Variants in CPAMD8 observed in about 807,000 individuals in gnomAD.
CPAMD8 encodes the protein C3 and PZP like alpha-2-macroglobulin domain containing 8.
Under a neutral mutation model 224.7 loss-of-function variants are expected in CPAMD8, and 146 were observed. The ratio of observed to expected loss-of-function variants is 0.65; its 90% CI spans 0.57 to 0.75. The LOEUF (loss-of-function observed/expected upper bound fraction) is 0.75. CPAMD8 is among the 30% of genes least tolerant of loss of function. CPAMD8 has a pLI of 0.00. For missense variants in CPAMD8, 2,301 were observed against 2,537.5 expected (o/e 0.91, Z 2.00); for synonymous variants, 966 against 1,044.6 (o/e 0.92, Z 1.45).
chr19:16,917,586 A>G (rs1461280548), intron 27 of CPAMD8, among the ~76,000 whole-genome samples: 1 of 152,140 alleles, frequency 6.6e-6, no homozygotes, highest in Non-Finnish European at 1.5e-5. Flanking sequence ...CTGAAATTCA[A>G]AAAAATTAGC....
intron 11 of CPAMD8, among the ~76,000 whole-genome samples, chr19:16,995,072 C>G (rs976121323): frequency 1.4e-4 from 21 of 152,160 alleles, no homozygotes; most frequent in African/African-American, 5.1e-4. Flanking sequence ...ACATTCTGAC[C>G]CCGCACGAGG....
intron 23 of CPAMD8, 120 bp from the exon 24 acceptor site, chr19:16,929,360 C>T (rs1272554655): frequency 2.7e-6 from 2 of 748,738 alleles, no homozygotes; most frequent in South Asian, 1.7e-5. Flanking sequence ...TGACTCGGCA[C>T]ACATGGTGGA....
Position 16,928,934 on chromosome 19 carries a change from C to T in CPAMD8, c.3144+8G>A. ...TCTGCACAAGCCCCAGGCAGTTCTG[C>T]TGTATACCTGGATAAGGCCACCACG... On this transcript the variant is annotated splice_region_variant and intron_variant, in intron 24 of 41. Coordinates refer to ENST00000443236, the MANE Select transcript of CPAMD8 (RefSeq NM_015692.5). 1 of 1,589,624 alleles carries T rather than the reference C, an allele frequency of 6.3e-7. No homozygotes were observed. The highest frequency in any genetic ancestry group is 8.6e-7 in the Non-Finnish European group (1 of 1,166,454).
intron 19 of CPAMD8, among the ~76,000 whole-genome samples, chr19:16,954,715 T>C (rs2054407455): frequency 6.6e-6 from 1 of 152,196 alleles, no homozygotes; most frequent in Non-Finnish European, 1.5e-5. Context: ...CTGGGTACAG[T>C]GGCTCACGCC....
intron 3 of CPAMD8, among the ~76,000 whole-genome samples, chr19:17,016,102 C>T (rs996671158): frequency 6.6e-6 from 1 of 152,134 alleles, no homozygotes; most frequent in Non-Finnish European, 1.5e-5. Context: ...GGCCACCATG[C>T]CCGGCTAATT....
chr19:16,999,575 A>C (rs2056243788), intron 10 of CPAMD8, among the ~76,000 whole-genome samples: 1 of 134,930 alleles, frequency 7.4e-6, no homozygotes, highest in African/African-American at 2.8e-5. Context: ...ACAGAGCAAG[A>C]CTCCATCTCC....
At chr19:16,997,471 C>A in intron 10 of CPAMD8, 133 bp from the exon 11 acceptor site, 1 of 660,056 alleles carries the variant, frequency 1.5e-6, no homozygotes, top group South Asian at 1.7e-5. Flanking sequence ...GTGGCATACC[C>A]AATCTATGCC....
rs1291369221 is a variant in CPAMD8, at chr19:16,901,216, C to T, written c.4767G>A (p.Leu1589=). ...LSGFRADIES[L]EQLLLDKHMG... ...CTCACCGGCGCTGCCTCACCTGCTC[C>T]AGGCTCTCGATGTCTGCCCGGAAGC... The change falls in exon 36 of 42, where the codon CTG becomes CTA. Residue 1589 remains leucine, a synonymous_variant. Coordinates refer to ENST00000443236, the MANE Select transcript of CPAMD8 (RefSeq NM_015692.5). 1.2e-6 allele frequency: 2 copies of T among 1,609,098 alleles called. No individual in the cohort carries two copies. The highest frequency in any genetic ancestry group is 1.7e-6 in the Non-Finnish European group (2 of 1,178,050).
intron 10 of CPAMD8, 157 bp downstream of exon 10, chr19:17,000,257 A>C (rs2056266970): frequency 1.9e-6 from 1 of 534,402 alleles, no homozygotes; most frequent in Non-Finnish European, 3.3e-6. Flanking sequence ...AGTTCAAGAC[A>C]AGCCTGGGCA....
intron 7 of CPAMD8, among the ~76,000 whole-genome samples, chr19:17,004,789 T>A (rs1488505675): frequency 1.3e-5 from 2 of 151,754 alleles, no homozygotes; most frequent in East Asian, 3.9e-4. Context: ...GGTGGAGGTG[T>A]CCTGTGAGCT....
chr19:16,991,577 G>A (rs556569337), intron 12 of CPAMD8, among the ~76,000 whole-genome samples: 5 of 152,206 alleles, frequency 3.3e-5, no homozygotes, highest in African/African-American at 4.8e-5. Flanking sequence ...ACAGTGGGCC[G>A]GGTACGGTGG....
At position 16,912,860 on chromosome 19, in the gene CPAMD8, C is replaced by G. The variant is rs542809196; in HGVS notation, c.3861+1564G>C. 2.0e-4 allele frequency among the ~76,000 whole-genome samples: 30 copies of G among 152,112 alleles called. No homozygotes were observed. The South Asian group carries it at 6.0e-3, about 31-fold the overall frequency. ...ATTGGAAAGCTTCCAGAGGAGAGAA[C>G]AAACGAGATACAAAGGATAGTACTC... On this transcript the variant is annotated intron_variant, in intron 29 of 41. Coordinates refer to ENST00000443236, the MANE Select transcript of CPAMD8 (RefSeq NM_015692.5).
At chr19:16,963,589 T>G (rs1406427939) in intron 18 of CPAMD8, among the ~76,000 whole-genome samples, 1 of 152,160 alleles carries the variant, frequency 6.6e-6, no homozygotes, top group East Asian at 1.9e-4. Flanking sequence ...CACACAATAC[T>G]AATGGGAGAC....
intron 23 of CPAMD8, among the ~76,000 whole-genome samples, chr19:16,931,573 T>A (rs1199658440): frequency 6.6e-6 from 1 of 152,166 alleles, no homozygotes. Context: ...CTATCCATGT[T>A]CCTGGTCCAC....
At chr19:16,972,455 C>T (rs142856432) in intron 17 of CPAMD8, among the ~76,000 whole-genome samples, 69 of 151,670 alleles carry the variant, frequency 4.5e-4, no homozygotes, top group African/African-American at 1.5e-3. Context: ...TTTTTTTAGA[C>T]GGAGTCTCAC....
intron 39 of CPAMD8, chr19:16,897,426 C>T (rs2052063164): frequency 3.9e-6 from 2 of 512,018 alleles, no homozygotes; most frequent in Non-Finnish European, 6.9e-6. Context: ...TGGCTCGGCC[C>T]TGCCCCCAGT....
rs758037154 is a variant in CPAMD8, at chr19:16,975,245, A to T, written c.1922T>A (p.Leu641Gln). 4.4e-6 allele frequency: 7 copies of T among 1,604,228 alleles called. No individual in the cohort carries two copies. The South Asian group carries it at 6.7e-5, about 15-fold the overall frequency. Residue 641 changes from leucine to glutamine, a missense_variant, in exon 17 of 42, where the codon CTG (leucine) becomes CAG (glutamine). Leu to Gln is a moderately radical substitution (Grantham distance 113, BLOSUM62 -2). This residue lies in a region of CPAMD8 where 1,709 missense variants were observed against 1,753.2 expected (regional missense o/e 0.97). Coordinates refer to ENST00000443236, the MANE Select transcript of CPAMD8 (RefSeq NM_015692.5). ...GGAATCAGAAACATCATAATCTTCCAGTTCCTGGAAAACCTGCAGGCAAAG... is the reference window on the plus strand; with the variant it reads ...GGAATCAGAAACATCATAATCTTCCTGTTCCTGGAAAACCTGCAGGCAAAG... Reference protein sequence around the residue: ...RLTPAQVFQELEDYDVSDSFG... With the variant: ...RLTPAQVFQEQEDYDVSDSFG...
In CPAMD8 at chr19:17,011,721, C is replaced by A; in HGVS notation, c.304G>T (p.Val102Leu). The A allele has an allele frequency of 1.2e-6, 2 of 1,614,086 alleles. No homozygotes were observed. The highest frequency in any genetic ancestry group is 8.5e-7 in the Non-Finnish European group (1 of 1,180,022). ...TGLRGQALLK[V>L]WGRGWQAEEG... Reference sequence around the variant, plus strand: ...TCCGCCTGCCAGCCGCGGCCCCACACTTTCAGAAGCGCTTGGCCCCGGAGG... The same window carrying A: ...TCCGCCTGCCAGCCGCGGCCCCACAATTTCAGAAGCGCTTGGCCCCGGAGG... Residue 102 changes from valine (V) to leucine (L), a missense_variant, in exon 4 of 42, where the codon GTG becomes TTG. Val to Leu is a conservative substitution (Grantham distance 32). This residue lies in a region of CPAMD8 where 283 missense variants were observed against 340.6 expected (regional missense o/e 0.83). Transcript: ENST00000443236.
At chr19:16,894,313 G>C in intron 41 of CPAMD8, 1 of 433,880 alleles carries the variant, frequency 2.3e-6, no homozygotes, top group Non-Finnish European at 4.8e-6. Context: ...TTAGAGGCAG[G>C]TGTCACCTGG....
Sources: gnomAD v4.1 joint callset for allele counts (sites outside exome capture counted in the v4.1 genomes callset) on GRCh38, gnomAD v4.1.1 for gene constraint, gnomAD v4.1.1 regional missense constraint, MANE v1.5 for transcripts, NCBI Gene and HGNC (gene_info 2026-07-23, HGNC 2026-07-21) for gene names.